ZBTB7A: variants seen among roughly 807,000 people sequenced by gnomAD.
The protein encoded by ZBTB7A is zinc finger and BTB domain-containing protein 7A.
ZBTB7A carries 7 observed loss-of-function variants against 26.7 expected under a neutral mutation model. That is an observed-to-expected ratio of 0.26 (90% CI 0.15 to 0.49). The LOEUF is 0.49. Among genes scored for constraint, ZBTB7A ranks in the 20% least tolerant of loss-of-function variants. The pLI is 0.98. For missense variants in ZBTB7A, 617 were observed against 919.5 expected, an observed-to-expected ratio of 0.67 and a Z score of 4.25; for synonymous variants, 452 against 441.0, an observed-to-expected ratio of 1.02 and a Z score of -0.31.
chr19:4,055,071 G>A lies in ZBTB7A; in HGVS notation c.162C>T (p.Ala54=). ...ACAGCTTCTTGAAGTACTGGCTGCA[G>A]GCGGCCAGCACCGAGCGGTGCGTGG... ...EFPTHRSVLA[A]CSQYFKKLFT... is the part of the protein sequence containing the mutation. Residue 54 remains alanine (A), a synonymous_variant, in exon 2 of 3, where the codon GCC becomes GCT. Transcript: ENST00000322357. 1.9e-6 allele frequency: 3 copies of A among 1,610,498 alleles called. No individual in the cohort carries two copies. The highest frequency in any genetic ancestry group is 2.5e-6 in the Non-Finnish European group (3 of 1,179,466).
At chr19:4,062,953 C>T (rs2040654806) in intron 1 of ZBTB7A, among the ~76,000 whole-genome samples, 1 of 152,136 alleles carries the variant, frequency 6.6e-6, no homozygotes, top group Admixed American at 6.5e-5. Flanking sequence ...GGGGGAGTGA[C>T]TGCTGGGGTG....
chr19:4,062,728 G>C (rs911839777), intron 1 of ZBTB7A: 4 of 152,334 alleles, frequency 2.6e-5, no homozygotes, highest in African/African-American at 9.7e-5. Flanking sequence ...TCACACAGGA[G>C]CCTGGGGCAG....
At chr19:4,053,686 CGTGTGTGCGTCT>C (rs2040532248) in intron 2 of ZBTB7A, among the ~76,000 whole-genome samples, 1 of 149,484 alleles carries the variant, frequency 6.7e-6, no homozygotes, top group South Asian at 2.1e-4. Context: ...TGTGCGTGTG[CGTGTGTGCGTCT>C]GTGTGTGTGC....
In ZBTB7A at chr19:4,052,039, C is replaced by T. The variant is rs1443826723; in HGVS notation, c.1262+1932G>A. Among the ~76,000 whole-genome samples the T allele has an allele frequency of 2.8e-5, 4 of 143,808 alleles. No individual in the cohort carries two copies. The highest frequency in any genetic ancestry group is 4.6e-5 in the Non-Finnish European group (3 of 65,504). The allele number at this position is 143,808 out of a possible 152,430, so 94.3% of individuals were successfully genotyped here. On this transcript the variant is annotated intron_variant, in intron 2 of 2. Transcript: ENST00000322357. This position sits in a 1 kb window ranked among gnomAD's most constrained non-coding sequence, Gnocchi z 4.9. ...GTCCTGGGGAGGGGGGACCAGAGCA[C>T]GGGGTGGGGGAAAAGAGGAAGCAGG...
At chr19:4,057,591 C>T (rs2040593748) in intron 1 of ZBTB7A, among the ~76,000 whole-genome samples, 1 of 151,722 alleles carries the variant, frequency 6.6e-6, no homozygotes, top group Non-Finnish European at 1.5e-5. Context: ...AGATTGAGAC[C>T]ATCCTGGGCA....
At position 4,048,001 on chromosome 19, in the gene ZBTB7A, G is replaced by A; in HGVS notation, c.1506C>T (p.Arg502=). ...GVPSRRGRKP[R]VRGGAPDPSP... ...TGGGGTCGGGCGCCCCGCCCCGGACGCGGGGCTTGCGGCCGCGGCGCGAGG... is the reference window on the plus strand; with the variant it reads ...TGGGGTCGGGCGCCCCGCCCCGGACACGGGGCTTGCGGCCGCGGCGCGAGG... Residue 502 remains arginine (R), a synonymous_variant, in exon 3 of 3, where the codon CGC becomes CGT. Transcript: ENST00000322357. This position sits in a 1 kb window ranked among gnomAD's most constrained non-coding sequence, Gnocchi z 6.7. The A allele has an allele frequency of 1.5e-6, 2 of 1,374,828 alleles. No homozygotes were observed. Among genetic ancestry groups the A allele is most frequent in the South Asian group, 3.3e-5 (2 of 60,242 alleles). The allele number at this position is 1,374,828 out of a possible 1,614,324, so 85.2% of individuals were successfully genotyped here. A position where few individuals can be genotyped will look rare whatever the true frequency, so the allele number is the denominator to read the frequency against.
intron 2 of ZBTB7A, among the ~76,000 whole-genome samples, chr19:4,053,038 C>A (rs2040520835): frequency 6.6e-6 from 1 of 152,250 alleles, no homozygotes; most frequent in South Asian, 2.1e-4. Context: ...TCAGAAGCCG[C>A]TCCACGGCCT....
intron 1 of ZBTB7A, chr19:4,065,368 A>AGC: frequency 7.0e-6 from 1 of 142,286 alleles, no homozygotes; most frequent in South Asian, 2.2e-4. Context: ...CCCCGGCCGC[A>AGC]GCGCGCGGCC....
intron 1 of ZBTB7A, among the ~76,000 whole-genome samples, chr19:4,060,843 G>A (rs2040631082): frequency 6.6e-6 from 1 of 152,202 alleles, no homozygotes; most frequent in Non-Finnish European, 1.5e-5. Context: ...TGGAGCAGGG[G>A]GCCGTCTAAT....
Position 4,046,078 on chromosome 19 carries a change from T to C in ZBTB7A, c.*1674A>G. On this transcript the variant is annotated 3_prime_UTR_variant, in exon 3 of 3. Coordinates refer to ENST00000322357, the MANE Select transcript of ZBTB7A (RefSeq NM_015898.4). Reference sequence around the variant, plus strand: ...CGGGGTGCTCCGGCTGGAAGGCCCATCCCTGAGCTAGGGAGGAGGAAGGAG... The same window carrying C: ...CGGGGTGCTCCGGCTGGAAGGCCCACCCCTGAGCTAGGGAGGAGGAAGGAG... The C allele has an allele frequency of 2.5e-6, 1 of 398,746 alleles. No homozygotes were observed. Among genetic ancestry groups the C allele is most frequent in the Non-Finnish European group, 4.4e-6 (1 of 226,072 alleles). 24.7% of individuals were successfully genotyped at this position (398,746 alleles called of 1,614,324 possible).
chr19:4,046,241 C>A lies in ZBTB7A; in HGVS notation c.*1511G>T. 4 of 395,490 alleles carry A rather than the reference C, an allele frequency of 1.0e-5. No individual in the cohort carries two copies. In the East Asian group the frequency reaches 1.4e-4, roughly 14 times the overall value. 24.5% of individuals were successfully genotyped at this position (395,490 alleles called of 1,614,324 possible). ...GAGGCTGACGTCTGGGGGTGAAGCA[C>A]AAACACCTCGGGGCGTCTCCCAGGT... is the stretch of plus-strand genomic sequence containing the variant. On this transcript the variant is annotated 3_prime_UTR_variant, in exon 3 of 3. Coordinates refer to ENST00000322357, the MANE Select transcript of ZBTB7A (RefSeq NM_015898.4).
At chr19:4,064,918 C>A (rs2040676405) in intron 1 of ZBTB7A, among the ~76,000 whole-genome samples, 1 of 151,920 alleles carries the variant, frequency 6.6e-6, no homozygotes, top group South Asian at 2.1e-4. Flanking sequence ...AACCTCCCGC[C>A]GCGGCCCACC....
At chr19:4,058,206 GCT>G (rs1361858508) in intron 1 of ZBTB7A, among the ~76,000 whole-genome samples, 3 of 152,206 alleles carry the variant, frequency 2.0e-5, no homozygotes, top group African/African-American at 7.2e-5. Flanking sequence ...CAGAGACCGG[GCT>G]ACAGCCCAGG....
chr19:4,062,165 T>C (rs1021423817), intron 1 of ZBTB7A: 1 of 152,030 alleles, frequency 6.6e-6, no homozygotes, highest in Non-Finnish European at 1.5e-5. Flanking sequence ...TCCTGATAGG[T>C]GGGATGGGCC....
intron 1 of ZBTB7A, among the ~76,000 whole-genome samples, chr19:4,060,449 A>G (rs2145004372): frequency 6.6e-6 from 1 of 152,284 alleles, no homozygotes; most frequent in East Asian, 1.9e-4. Flanking sequence ...CTAACTGGGC[A>G]CCTTCACTTC....
Position 4,047,594 on chromosome 19 carries a change from A to T in ZBTB7A, c.*158T>A. The stretch of plus-strand genomic sequence containing the variant: ...AGAAAGCGCTACCCTAGATTCTGTG[A>T]CGCGTCATATATATATATCTGTATA... On this transcript the variant is annotated 3_prime_UTR_variant, in exon 3 of 3. Transcript: ENST00000322357. The T allele has an allele frequency of 1.8e-6, 1 of 547,782 alleles. No homozygotes were observed. The highest frequency in any genetic ancestry group is 2.7e-6 in the Non-Finnish European group (1 of 374,288). 33.9% of individuals were successfully genotyped at this position (547,782 alleles called of 1,614,324 possible).
Position 4,054,747 on chromosome 19 carries a change from C to A in ZBTB7A, c.486G>T (p.Glu162Asp), listed in dbSNP as rs2040555128. Residue 162 changes from glutamate to aspartate, a missense_variant, in exon 2 of 3, where the codon GAG (glutamate) becomes GAT (aspartate). Transcript: ENST00000322357. ...RNLLRAKEYLEFFQSNPMNSL... is the reference protein window; with the variant it reads ...RNLLRAKEYLDFFQSNPMNSL... ...TGTTCATGGGGTTGCTCTGGAAGAA[C>A]TCGAGGTACTCCTTGGCGCGGAGGA... The A allele has an allele frequency of 6.4e-7, 1 of 1,569,216 alleles. No individual in the cohort carries two copies. Among genetic ancestry groups the A allele is most frequent in the Non-Finnish European group, 8.6e-7 (1 of 1,156,744 alleles).
chr19:4,066,787 C>G lies in ZBTB7A; in HGVS notation c.-121G>C, dbSNP rs1375025865. The G allele has an allele frequency of 7.9e-5, 12 of 152,080 alleles. No homozygotes were observed. Among genetic ancestry groups the G allele is most frequent in the Non-Finnish European group, 1.5e-4 (10 of 68,052 alleles). 9.4% of individuals were successfully genotyped at this position (152,080 alleles called of 1,614,324 possible). On this transcript the variant is annotated 5_prime_UTR_variant, in exon 1 of 3. Coordinates refer to ENST00000322357, the MANE Select transcript of ZBTB7A (RefSeq NM_015898.4). ...CGCGGCGCTCGCTCTGCCCGCGTCG[C>G]GCTGCCCTGGTCGCTCCCTCGCGCG...
chr19:4,050,351 G>A (rs544878760), intron 2 of ZBTB7A, among the ~76,000 whole-genome samples: 4 of 152,158 alleles, frequency 2.6e-5, no homozygotes, highest in Non-Finnish European at 5.9e-5. Context: ...GTGAGCCACC[G>A]CGCCCGGCCG....
Sources: allele counts gnomAD v4.1 joint callset (sites outside exome capture counted in the v4.1 genomes callset), GRCh38; gene constraint gnomAD v4.1.1; non-coding constraint Gnocchi (gnomAD v3.1); transcripts MANE v1.5; gene names NCBI Gene and HGNC (gene_info 2026-07-23, HGNC 2026-07-21).